DNAH2: variants seen among roughly 807,000 people sequenced by gnomAD.
DNAH2 encodes the protein dynein axonemal heavy chain 2.
In DNAH2, 323 loss-of-function variants were observed where a neutral mutation model predicts 523.5. The ratio of observed to expected loss-of-function variants is 0.62; its 90% CI spans 0.56 to 0.68. The LOEUF (loss-of-function observed/expected upper bound fraction) is 0.68, where lower values mean the gene tolerates loss of function less well. Among genes scored for constraint, DNAH2 ranks in the 30% least tolerant of loss-of-function variants. The pLI, the probability that DNAH2 is intolerant of heterozygous loss-of-function variation, is 0.00. For missense variants in DNAH2, 4,907 were observed against 5,701.5 expected, an observed-to-expected ratio of 0.86 and a Z score of 4.49; for synonymous variants, 2,093 against 2,177.4, an observed-to-expected ratio of 0.96 and a Z score of 1.08.
Position 7,760,849 on chromosome 17 carries a change from C to A in DNAH2, c.2895C>A (p.Ile965=). ...AGACCTGGGACATGTACCGGGAGAT[C>A]TGGGAGATCAACAAGGACTCCTTCA... is the stretch of plus-strand genomic sequence containing the variant. ...YLKTWDMYRE[I]WEINKDSFIH... Residue 965 remains isoleucine, a synonymous_variant, in exon 18 of 86, where the codon ATC becomes ATA. Transcript: ENST00000572933. This position sits in a 1 kb window ranked among gnomAD's most constrained non-coding sequence, Gnocchi z 4.0. The A allele has an allele frequency of 6.2e-7, 1 of 1,614,214 alleles. No homozygotes were observed. Among genetic ancestry groups the A allele is most frequent in the Non-Finnish European group, 8.5e-7 (1 of 1,180,052 alleles).
chr17:7,819,152 C>G (rs1353676142), intron 71 of DNAH2, 57 bp from the exon 72 acceptor site: 2 of 1,607,586 alleles, frequency 1.2e-6, no homozygotes, highest in African/African-American at 1.3e-5. Context: ...CTTCCCTGAG[C>G]CCCTGCTCCC....
chr17:7,757,306 C>A, intron 13 of DNAH2, 69 bp downstream of exon 13: 1 of 1,535,986 alleles, frequency 6.5e-7, no homozygotes, highest in Non-Finnish European at 8.8e-7. Context: ...CTTATCTGCC[C>A]TGTAATGTTG....
At chr17:7,777,730 C>T (rs2076495228) in intron 33 of DNAH2, 96 bp downstream of exon 33, 1 of 1,467,858 alleles carries the variant, frequency 6.8e-7, no homozygotes, top group African/African-American at 1.4e-5. Context: ...TATCCTAAGC[C>T]AACCCTTAGT....
At chr17:7,727,944 G>C (rs1381207484) in intron 4 of DNAH2, among the ~76,000 whole-genome samples, 1 of 151,838 alleles carries the variant, frequency 6.6e-6, no homozygotes, top group African/African-American at 2.4e-5. Flanking sequence ...TGGGATGAAG[G>C]GTAAGTGGGA....
chr17:7,781,704 G>A (rs972284122), intron 39 of DNAH2, among the ~76,000 whole-genome samples: 3 of 152,192 alleles, frequency 2.0e-5, no homozygotes, highest in Non-Finnish European at 4.4e-5. Flanking sequence ...CTACTCAAGT[G>A]TACCTGCTCA....
chr17:7,799,168 C>T lies in DNAH2; in HGVS notation c.8625C>T (p.Phe2875=), dbSNP rs369913765. Reference sequence around the variant, plus strand: ...TGCCTGAGTCATCGGACAGCCTCTTCGCCTACCTCATTGAACGCGTGCAGA... The same window carrying T: ...TGCCTGAGTCATCGGACAGCCTCTTTGCCTACCTCATTGAACGCGTGCAGA... ...EQVPESSDSL[F]AYLIERVQNN... is the part of the protein sequence containing the mutation. Residue 2875 remains phenylalanine (F), a synonymous_variant, in exon 56 of 86, where the codon TTC becomes TTT. Coordinates refer to ENST00000572933, the MANE Select transcript of DNAH2 (RefSeq NM_020877.5). 30 of 1,614,090 alleles carry T rather than the reference C, an allele frequency of 1.9e-5. No individual in the cohort carries two copies. Among genetic ancestry groups the T allele is most frequent in the East Asian group, 4.5e-5 (2 of 44,904 alleles).
At position 7,807,375 on chromosome 17, in the gene DNAH2, G is replaced by C. The variant is rs559231395; in HGVS notation, c.9612+56G>C. The C allele has an allele frequency of 4.4e-6, 7 of 1,603,844 alleles. No individual in the cohort carries two copies. The highest frequency in any genetic ancestry group is 1.8e-4 in the Middle Eastern group (1 of 5,674). Reference sequence around the variant, plus strand: ...AGGGAGGGCAGGCCTGGGGGAGTGCGGATGCACAGACCCAGGTGGAAGGAG... The same window carrying C: ...AGGGAGGGCAGGCCTGGGGGAGTGCCGATGCACAGACCCAGGTGGAAGGAG... On this transcript the variant is annotated intron_variant, in intron 62 of 85. Coordinates refer to ENST00000572933, the MANE Select transcript of DNAH2 (RefSeq NM_020877.5). This position sits in a 1 kb window ranked among gnomAD's most constrained non-coding sequence, Gnocchi z 5.6.
chr17:7,745,705 G>C (rs1309076679), intron 12 of DNAH2, among the ~76,000 whole-genome samples: 2 of 150,554 alleles, frequency 1.3e-5, no homozygotes, highest in Non-Finnish European at 2.9e-5. Flanking sequence ...TGGAAGGATT[G>C]CTTGAGCCCA....
chr17:7,749,682 C>T (rs1312366886), intron 12 of DNAH2, among the ~76,000 whole-genome samples: 4 of 152,040 alleles, frequency 2.6e-5, no homozygotes, highest in South Asian at 2.1e-4. Flanking sequence ...CAATGTTTTG[C>T]TCAATTTGGA....
At chr17:7,789,856 G>C (rs975384461) in intron 44 of DNAH2, among the ~76,000 whole-genome samples, 11 of 152,132 alleles carry the variant, frequency 7.2e-5, no homozygotes, top group Admixed American at 6.5e-4. Context: ...GGGATTACAG[G>C]CGTGAGCCAC....
At position 7,741,506 on chromosome 17, in the gene DNAH2, C is replaced by T. The variant is rs542906693; in HGVS notation, c.1689+514C>T. On this transcript the variant is annotated intron_variant, in intron 11 of 85. Coordinates refer to ENST00000572933, the MANE Select transcript of DNAH2 (RefSeq NM_020877.5). ...CCGAGTAGCTGGGACTACAGGTGCCCGCCACCGCACCCAGCTAATTTTTTT... is the reference window on the plus strand; with the variant it reads ...CCGAGTAGCTGGGACTACAGGTGCCTGCCACCGCACCCAGCTAATTTTTTT... Among the ~76,000 whole-genome samples, 1,270 of 151,018 alleles carry T rather than the reference C, an allele frequency of 8.4e-3. 14 individuals are homozygous for T. The highest frequency in any genetic ancestry group is 0.028 in the African/African-American group (1,131 of 41,062).
Position 7,733,109 on chromosome 17 carries a change from T to C in DNAH2, c.422T>C (p.Phe141Ser). The C allele has an allele frequency of 6.2e-7, 1 of 1,614,176 alleles. No homozygotes were observed. The change falls in exon 5 of 86, where the codon TTC becomes TCC. Residue 141 changes from phenylalanine to serine, a missense_variant. Transcript: ENST00000572933. ...CAGACCCAGAACCAGCTTGTCTACT[T>C]CATTCGCCAAGCACCAGTTCCCATC... ...PVQTQNQLVY[F>S]IRQAPVPITW...
chr17:7,752,160 T>TACACACACAC lies in DNAH2; in HGVS notation c.1905-4905_1905-4896dup, dbSNP rs1555544463. Among the ~76,000 whole-genome samples, 357 of 125,030 alleles carry TACACACACAC rather than the reference T, an allele frequency of 2.9e-3. 4 individuals are homozygous for TACACACACAC. Among genetic ancestry groups the TACACACACAC allele is most frequent in the Middle Eastern group, 0.024 (6 of 246 alleles). The allele number at this position is 125,030 out of a possible 152,430, so 82.0% of individuals were successfully genotyped here. A position where few individuals can be genotyped will look rare whatever the true frequency, so the allele number is the denominator to read the frequency against. The stretch of plus-strand genomic sequence containing the variant: ...CCTGCCTTTTCCCCTTAAGTCATTT[T>TACACACACAC]ACACACACACACACACACACACACA... On this transcript the variant is annotated intron_variant, in intron 12 of 85. Coordinates refer to ENST00000572933, the MANE Select transcript of DNAH2 (RefSeq NM_020877.5).
intron 21 of DNAH2, 60 bp from the exon 22 acceptor site, chr17:7,766,258 C>G: frequency 6.4e-7 from 1 of 1,569,378 alleles, no homozygotes; most frequent in African/African-American, 1.3e-5. Flanking sequence ...GATAGGAGAG[C>G]CATGGCTGTC....
intron 18 of DNAH2, among the ~76,000 whole-genome samples, chr17:7,762,647 A>G (rs1421476176): frequency 6.6e-6 from 1 of 151,542 alleles, no homozygotes; most frequent in South Asian, 2.1e-4. Flanking sequence ...TTTGCATAGG[A>G]TTTCAACAGG....
At chr17:7,736,877 G>A (rs973821339) in intron 7 of DNAH2, among the ~76,000 whole-genome samples, 190 bp from the exon 8 acceptor site, 14 of 152,204 alleles carry the variant, frequency 9.2e-5, no homozygotes, top group Non-Finnish European at 1.6e-4. Flanking sequence ...AGCTACTTGG[G>A]AGGCTGAGGC....
Position 7,764,264 on chromosome 17 carries a change from C to A in DNAH2, c.3327C>A (p.Val1109=), listed in dbSNP as rs558494215. The change falls in exon 20 of 86, where the codon GTC becomes GTA. Residue 1109 remains valine (V), a synonymous_variant. Transcript: ENST00000572933. ...FAILEKYEVP[V]EDSVLEMLDS... The stretch of plus-strand genomic sequence containing the variant: ...TTCTTGAAAAGTACGAGGTGCCAGT[C>A]GAGGACAGTGTGAGTTCCTTTGGTG... The A allele has an allele frequency of 2.5e-6, 4 of 1,604,476 alleles. No individual in the cohort carries two copies. Among genetic ancestry groups the A allele is most frequent in the South Asian group, 2.3e-5 (2 of 88,818 alleles).
rs866731803 is a variant in DNAH2 at position 7,754,157 on chromosome 17, T to C, written c.1905-2934T>C. Among the ~76,000 whole-genome samples the C allele has an allele frequency of 9.2e-5, 14 of 151,870 alleles. 2 individuals carry two copies. In the Middle Eastern group the frequency reaches 0.024, roughly 258 times the overall value. ...GACATTCTTTAAAGCAGGCAGGCCG[T>C]GAAGGGGAGGACAGGATATGGCACC... On this transcript the variant is annotated intron_variant, in intron 12 of 85. Transcript: ENST00000572933. The surrounding 1 kb of genome is among the most constrained non-coding windows in gnomAD (Gnocchi z 4.6).
Position 7,759,481 on chromosome 17 carries a change from G to A in DNAH2, c.2508G>A (p.Leu836=). 1 of 1,614,154 alleles carries A rather than the reference G, an allele frequency of 6.2e-7. No homozygotes were observed. The change falls in exon 16 of 86, where the codon CTG becomes CTA. Residue 836 remains leucine (L), a synonymous_variant. Coordinates refer to ENST00000572933, the MANE Select transcript of DNAH2 (RefSeq NM_020877.5). ...IRLDRMMEDA[L]RLNVKWSLLE... ...TGGACCGCATGATGGAGGATGCCCT[G>A]CGCCTGAATGTGAAGTGGTCACTGC...
Sources: gnomAD v4.1 joint callset for allele counts (sites outside exome capture counted in the v4.1 genomes callset) on GRCh38, gnomAD v4.1.1 for gene constraint, Gnocchi (gnomAD v3.1) non-coding constraint, MANE v1.5 for transcripts, NCBI Gene and HGNC (gene_info 2026-07-23, HGNC 2026-07-21) for gene names.